ABR: variants seen among roughly 807,000 people sequenced by gnomAD.
ABR encodes ABR activator of RhoGEF and GTPase, also known as active breakpoint cluster region-related protein.
A neutral mutation model predicts 107.2 loss-of-function variants in ABR; 35 were observed. That is an observed-to-expected ratio of 0.33 (90% CI 0.25 to 0.43). The LOEUF is 0.43. Among genes scored for constraint, ABR ranks in the 20% least tolerant of loss-of-function variants. The pLI is 1.00. For synonymous variants in ABR, 498 were observed against 462.0 expected, an observed-to-expected ratio of 1.08 and a Z score of -1.00; for missense variants, 815 against 1,115.2, an observed-to-expected ratio of 0.73 and a Z score of 3.83.
chr17:1,024,037 A>AAAAAAAAAAAAAAAC (rs2071958804), intron 16 of ABR, among the ~76,000 whole-genome samples: 1 of 148,038 alleles, frequency 6.8e-6, no homozygotes, highest in Admixed American at 6.9e-5. Flanking sequence ...AAAAAAAAAA[A>AAAAAAAAAAAAAAAC]AAAAAAAAAA....
At chr17:1,099,477 C>A (rs1201577661) in intron 3 of ABR, among the ~76,000 whole-genome samples, 3 of 152,206 alleles carry the variant, frequency 2.0e-5, no homozygotes, top group African/African-American at 7.2e-5. Context: ...CACCTCACGT[C>A]ATGGCAAGTA....
At chr17:1,117,967 C>G (rs867214345) in intron 2 of ABR, among the ~76,000 whole-genome samples, 1 of 103,788 alleles carries the variant, frequency 9.6e-6, no homozygotes, top group East Asian at 2.5e-4. Context: ...TTCTCCCCAG[C>G]GTTATCCCTG....
At chr17:1,017,842 G>A (rs1004246199) in intron 16 of ABR, among the ~76,000 whole-genome samples, 84 of 151,312 alleles carry the variant, frequency 5.6e-4, no homozygotes, top group African/African-American at 1.8e-3. Flanking sequence ...ACCTCAGGTG[G>A]TCCGCCCACC....
At chr17:1,073,749 T>C in intron 6 of ABR, 72 bp from the exon 7 acceptor site, 1 of 1,384,916 alleles carries the variant, frequency 7.2e-7, no homozygotes, top group Non-Finnish European at 9.9e-7. Flanking sequence ...AGAGACCAGC[T>C]TCGTCCCCCC....
rs1194446023 is a variant in ABR, at chr17:1,154,502, A to T, written c.61+25165T>A. On this transcript the variant is annotated intron_variant, in intron 1 of 22. Transcript: ENST00000302538. The surrounding 1 kb of genome is among the most constrained non-coding windows in gnomAD (Gnocchi z 4.0). ...GCCAGCCCCTTCCTCCCAGCTTTCCATCCCACTCCACAAGGGTGTCTGGCT... is the reference window on the plus strand; with the variant it reads ...GCCAGCCCCTTCCTCCCAGCTTTCCTTCCCACTCCACAAGGGTGTCTGGCT... 2.0e-5 allele frequency: 3 copies of T among 152,488 alleles called. No individual in the cohort carries two copies. Among genetic ancestry groups the T allele is most frequent in the African/African-American group, 7.2e-5 (3 of 41,520 alleles). The allele number at this position is 152,488 out of a possible 1,614,324, so 9.4% of individuals were successfully genotyped here.
At chr17:1,130,719 G>A (rs989688554) in intron 1 of ABR, among the ~76,000 whole-genome samples, 3 of 152,294 alleles carry the variant, frequency 2.0e-5, no homozygotes, top group South Asian at 2.1e-4. Flanking sequence ...GATCATTGTC[G>A]ATTAACCGGT....
chr17:1,118,302 T>C (rs1597878721), intron 2 of ABR, among the ~76,000 whole-genome samples: 2 of 73,928 alleles, frequency 2.7e-5, no homozygotes, highest in Non-Finnish European at 2.7e-5. Context: ...TCCCTGAGCC[T>C]GAGTTCTCCC....
intron 16 of ABR, among the ~76,000 whole-genome samples, chr17:1,023,894 A>G (rs796427689): frequency 9.9e-5 from 15 of 152,160 alleles, no homozygotes; most frequent in African/African-American, 3.6e-4. Flanking sequence ...GCGTGGTGGC[A>G]CATGCCTGTA....
chr17:1,194,046 C>G (rs921290463), intron 1 of ABR, among the ~76,000 whole-genome samples: 3 of 152,154 alleles, frequency 2.0e-5, no homozygotes, highest in African/African-American at 7.2e-5. Context: ...AAGGAAGACA[C>G]AAAGATGAAT....
intron 2 of ABR, among the ~76,000 whole-genome samples, chr17:1,123,672 G>C (rs964752217): frequency 1.3e-5 from 2 of 152,218 alleles, no homozygotes; most frequent in African/African-American, 4.8e-5. Flanking sequence ...TGCTCACAGT[G>C]GGGTGAGAGC....
chr17:1,192,488 G>A (rs192093315), intron 1 of ABR, among the ~76,000 whole-genome samples: 1 of 152,128 alleles, frequency 6.6e-6, no homozygotes, highest in African/African-American at 2.4e-5. Flanking sequence ...CTTCTAGAAA[G>A]AATGTGAGCT....
chr17:1,079,824 A>G (rs868211044), intron 5 of ABR, among the ~76,000 whole-genome samples: 1,824 of 129,198 alleles, frequency 0.014, 40 homozygotes, highest in Admixed American at 0.026. Context: ...AAAAAAAAAA[A>G]AAAGAAAGAC....
intron 10 of ABR, among the ~76,000 whole-genome samples, chr17:1,062,274 CACT>C (rs1249214133): frequency 2.1e-4 from 31 of 149,618 alleles, no homozygotes; most frequent in African/African-American, 4.2e-4. Flanking sequence ...TTCCTCTAGA[CACT>C]GTTGTTATGT....
chr17:1,083,456 A>G, intron 5 of ABR, 64 bp downstream of exon 5: 1 of 1,234,074 alleles, frequency 8.1e-7, no homozygotes, highest in African/African-American at 1.5e-5. Flanking sequence ...AGGGGAGACC[A>G]AGGGCTCTGA....
At chr17:1,018,150 C>T (rs1446735957) in intron 16 of ABR, among the ~76,000 whole-genome samples, 2 of 152,154 alleles carry the variant, frequency 1.3e-5, no homozygotes, top group Admixed American at 1.3e-4. Context: ...TCACGCCATT[C>T]TCCTGCCTCA....
intron 1 of ABR, among the ~76,000 whole-genome samples, chr17:1,193,292 G>C (rs998604857): frequency 7.3e-6 from 1 of 136,602 alleles, no homozygotes; most frequent in African/African-American, 2.5e-5. Flanking sequence ...ATACCCACAA[G>C]GATTCAGGAC....
intron 14 of ABR, among the ~76,000 whole-genome samples, chr17:1,054,288 T>C (rs1428921241): frequency 6.6e-6 from 1 of 152,162 alleles, no homozygotes; most frequent in Non-Finnish European, 1.5e-5. Flanking sequence ...GCACGGTAGG[T>C]GCTGTGTAAA....
chr17:1,223,417 C>G (rs912192402), intron 1 of ABR, among the ~76,000 whole-genome samples: 3 of 151,950 alleles, frequency 2.0e-5, no homozygotes, highest in African/African-American at 7.3e-5. Flanking sequence ...CGTAACTATC[C>G]TGAGAGGGAA....
chr17:1,195,618 C>T (rs2042544542), intron 1 of ABR, among the ~76,000 whole-genome samples: 1 of 150,726 alleles, frequency 6.6e-6, no homozygotes, highest in African/African-American at 2.4e-5. Flanking sequence ...TCCTGGCTAA[C>T]ACGGTGAAAC....
Sources: gnomAD v4.1 joint callset for allele counts (sites outside exome capture counted in the v4.1 genomes callset) on GRCh38, gnomAD v4.1.1 for gene constraint, Gnocchi (gnomAD v3.1) non-coding constraint, MANE v1.5 for transcripts, NCBI Gene and HGNC (gene_info 2026-07-23, HGNC 2026-07-21) for gene names.